Variants in HSPA4 observed in about 807,000 individuals in gnomAD.
HSPA4 encodes the protein heat shock 70 kDa protein 4.
A neutral mutation model predicts 106.2 loss-of-function variants in HSPA4; 25 were observed. The observed-to-expected ratio is 0.24, with a 90% CI of 0.17 to 0.33. The LOEUF is 0.33. HSPA4 is among the 10% of genes least tolerant of loss of function. HSPA4 has a pLI of 1.00. For missense variants in HSPA4, 841 were observed against 996.0 expected (o/e 0.84, Z 2.10); for synonymous variants, 332 against 333.6 (o/e 1.00, Z 0.05).
chr5:133,059,901 G>A (rs1045901559), intron 1 of HSPA4, among the ~76,000 whole-genome samples: 22 of 152,132 alleles, frequency 1.4e-4, no homozygotes, highest in Non-Finnish European at 2.9e-4. Context: ...CAGGGATGTA[G>A]ACTGCAAGAT....
chr5:133,101,210 T>C (rs1245699199), intron 16 of HSPA4, among the ~76,000 whole-genome samples: 1 of 152,236 alleles, frequency 6.6e-6, no homozygotes, highest in African/African-American at 2.4e-5. Context: ...ATAGATTTTA[T>C]TGATGTCGCT....
intron 6 of HSPA4, among the ~76,000 whole-genome samples, chr5:133,075,599 T>TG (rs1360112870): frequency 6.6e-6 from 1 of 151,964 alleles, no homozygotes; most frequent in Non-Finnish European, 1.5e-5. Flanking sequence ...GAGGCTGAGG[T>TG]GGGGGGATTG....
chr5:133,054,646 T>TA (rs749545651), intron 1 of HSPA4, among the ~76,000 whole-genome samples: 2 of 152,238 alleles, frequency 1.3e-5, no homozygotes, highest in Non-Finnish European at 2.9e-5. Context: ...CTGTGCCCTT[T>TA]AGCAGTTTAT....
chr5:133,072,389 G>GTTTTTTTTTT (rs1561579032), intron 4 of HSPA4, among the ~76,000 whole-genome samples: 1 of 103,216 alleles, frequency 9.7e-6, no homozygotes, highest in African/African-American at 3.6e-5. Context: ...CTGGTCCAGG[G>GTTTTTTTTTT]TTGTTTTTTT....
intron 1 of HSPA4, among the ~76,000 whole-genome samples, chr5:133,060,609 A>C (rs977671419): frequency 6.6e-6 from 1 of 151,944 alleles, no homozygotes; most frequent in Non-Finnish European, 1.5e-5. Context: ...TGATCTGCCC[A>C]CCTCGGCCTC....
chr5:133,100,779 CTTTAAA>C (rs1765775222), intron 16 of HSPA4, among the ~76,000 whole-genome samples: 1 of 152,142 alleles, frequency 6.6e-6, no homozygotes, highest in Admixed American at 6.5e-5. Flanking sequence ...TTACATTTCT[CTTTAAA>C]TTTAGCTCTG....
At chr5:133,073,119 T>C (rs1462293096) in intron 4 of HSPA4, 111 bp from the exon 5 acceptor site, 3 of 626,482 alleles carry the variant, frequency 4.8e-6, no homozygotes, top group Non-Finnish European at 8.2e-6. Context: ...TTGAAATATT[T>C]TCTTGATCAT....
At chr5:133,095,692 C>G (rs1463194289) in intron 13 of HSPA4, among the ~76,000 whole-genome samples, 2 of 152,006 alleles carry the variant, frequency 1.3e-5, no homozygotes, top group East Asian at 1.9e-4. Context: ...TATATTGATA[C>G]GGGATTGTAG....
At chr5:133,072,102 A>G (rs943039463) in intron 4 of HSPA4, among the ~76,000 whole-genome samples, 1 of 152,148 alleles carries the variant, frequency 6.6e-6, no homozygotes, top group Non-Finnish European at 1.5e-5. Context: ...TTAAAAGGTG[A>G]TAGTGTTGAG....
In HSPA4 at chr5:133,092,711, G is replaced by A; in HGVS notation, c.1572G>A (p.Val524=). 7.4e-6 allele frequency: 12 copies of A among 1,611,460 alleles called. No individual in the cohort carries two copies. The South Asian group carries it at 1.3e-4, about 18-fold the overall frequency. Reference sequence around the variant, plus strand: ...GACCTGTTTTTCAGAAGATGCAAGTGGACCAGGAGGAACCACATGTTGAAG... The same window carrying A: ...GACCTGTTTTTCAGAAGATGCAAGTAGACCAGGAGGAACCACATGTTGAAG... ...QNAKEEEKMQ[V]DQEEPHVEEQ... Residue 524 remains valine, a synonymous_variant, in exon 13 of 19, where the codon GTG becomes GTA. Coordinates refer to ENST00000304858, the MANE Select transcript of HSPA4 (RefSeq NM_002154.4).
chr5:133,079,767 C>T (rs1274693209), intron 7 of HSPA4, among the ~76,000 whole-genome samples: 1 of 152,180 alleles, frequency 6.6e-6, no homozygotes, highest in Non-Finnish European at 1.5e-5. Flanking sequence ...TTTGTCAACA[C>T]TTATTTTCAA....
At chr5:133,074,715 G>A (rs557079642) in intron 6 of HSPA4, among the ~76,000 whole-genome samples, 1 of 152,280 alleles carries the variant, frequency 6.6e-6, no homozygotes, top group Non-Finnish European at 1.5e-5. Flanking sequence ...AAAACAAACT[G>A]GACTAGGAAT....
chr5:133,066,385 A>G (rs1765305463), intron 2 of HSPA4, among the ~76,000 whole-genome samples: 1 of 152,138 alleles, frequency 6.6e-6, no homozygotes. Flanking sequence ...GAATTTTTTG[A>G]ATATTTTTGT....
rs73272759 is a variant in HSPA4, at chr5:133,104,512, C to T, written c.*76C>T. ...CAACTTTGTTCTAAATATCAACTAG[C>T]GCAAGTGAATACTGAAGATTTCTTA... On this transcript the variant is annotated 3_prime_UTR_variant, in exon 19 of 19. Transcript: ENST00000304858. The T allele has an allele frequency of 1.4e-4, 186 of 1,320,548 alleles. 1 individual carries two copies. The highest frequency in any genetic ancestry group is 3.1e-4 in the South Asian group (24 of 78,644). The allele number at this position is 1,320,548 out of a possible 1,614,324, so 81.8% of individuals were successfully genotyped here.
At chr5:133,087,816 G>A (rs1765597699) in intron 8 of HSPA4, among the ~76,000 whole-genome samples, 1 of 152,076 alleles carries the variant, frequency 6.6e-6, no homozygotes, top group Non-Finnish European at 1.5e-5. Context: ...TGGAGACGGG[G>A]TTTTACCATG....
chr5:133,097,549 C>CTT (rs551499462), intron 15 of HSPA4, among the ~76,000 whole-genome samples: 62 of 127,560 alleles, frequency 4.9e-4, no homozygotes, highest in Middle Eastern at 3.8e-3. Flanking sequence ...CTTTTCTTTT[C>CTT]TTTTTTTTTT....
chr5:133,102,227 G>T (rs975722610), intron 17 of HSPA4, among the ~76,000 whole-genome samples: 1 of 152,102 alleles, frequency 6.6e-6, no homozygotes, highest in Admixed American at 6.5e-5. Flanking sequence ...CACTGCTCCC[G>T]GCCGTAAAGT....
At chr5:133,065,084 C>T (rs1478126632) in intron 2 of HSPA4, 47 bp downstream of exon 2, 2 of 1,517,342 alleles carry the variant, frequency 1.3e-6, no homozygotes, top group Non-Finnish European at 1.8e-6. Context: ...TCCTCTTCAT[C>T]CATGTGTTCA....
intron 15 of HSPA4, among the ~76,000 whole-genome samples, chr5:133,097,635 GCCTCCCAGGTTCAAGCAGTTCT>G (rs1393669367): frequency 8.2e-5 from 12 of 146,280 alleles, no homozygotes; most frequent in Middle Eastern, 3.6e-3. Flanking sequence ...TGCAGCCTCC[GCCTCCCAGGTTCAAGCAGTTCT>G]CCTCCCCCAG....
Sources: allele counts gnomAD v4.1 joint callset (sites outside exome capture counted in the v4.1 genomes callset), GRCh38; gene constraint gnomAD v4.1.1; transcripts MANE v1.5; gene names NCBI Gene and HGNC (gene_info 2026-07-23, HGNC 2026-07-21).